Variants in RPS6KA5 observed in about 807,000 individuals in gnomAD.
The protein encoded by RPS6KA5 is ribosomal protein S6 kinase A5.
In RPS6KA5, 27 loss-of-function variants were observed where a neutral mutation model predicts 85.5. That is an observed-to-expected ratio of 0.32 (90% CI 0.23 to 0.44). The LOEUF is 0.44. Among genes scored for constraint, RPS6KA5 ranks in the 20% least tolerant of loss-of-function variants. The pLI is 1.00. For synonymous variants in RPS6KA5, 334 were observed against 348.2 expected, an observed-to-expected ratio of 0.96 and a Z score of 0.46; for missense variants, 811 against 980.9, an observed-to-expected ratio of 0.83 and a Z score of 2.31.
intron 8 of RPS6KA5, among the ~76,000 whole-genome samples, chr14:90,904,906 C>T (rs574026162): frequency 6.6e-6 from 1 of 152,134 alleles, no homozygotes; most frequent in Non-Finnish European, 1.5e-5. Flanking sequence ...AGAAAAAGAT[C>T]CTAGGAAAAT....
At chr14:90,922,331 CA>C (rs56674655) in intron 6 of RPS6KA5, among the ~76,000 whole-genome samples, 5,019 of 152,230 alleles carry the variant, frequency 0.033, 280 homozygotes, top group African/African-American at 0.12. Flanking sequence ...AAATACTGTC[CA>C]AAACCATTCA....
intron 13 of RPS6KA5, among the ~76,000 whole-genome samples, chr14:90,893,476 G>T (rs140488903): frequency 5.5e-4 from 84 of 152,154 alleles, no homozygotes; most frequent in Admixed American, 1.9e-3. Flanking sequence ...AAGTAGAGAA[G>T]AAAAGAATTC....
intron 7 of RPS6KA5, among the ~76,000 whole-genome samples, chr14:90,918,504 A>G (rs2036238403): frequency 6.6e-6 from 1 of 152,202 alleles, no homozygotes; most frequent in South Asian, 2.1e-4. Context: ...AGTTTTGAAG[A>G]GCAGAAATAC....
chr14:90,930,934 C>A (rs2036939787), intron 5 of RPS6KA5, among the ~76,000 whole-genome samples: 1 of 152,138 alleles, frequency 6.6e-6, no homozygotes, highest in Admixed American at 6.5e-5. Flanking sequence ...TTTAGCACTG[C>A]TGGTGAGAAT....
chr14:90,971,911 A>G (rs2039339115), intron 3 of RPS6KA5, among the ~76,000 whole-genome samples: 1 of 152,246 alleles, frequency 6.6e-6, no homozygotes, highest in Non-Finnish European at 1.5e-5. Flanking sequence ...AGACATGAGC[A>G]ATGTGGGAAG....
At position 90,947,469 on chromosome 14, in the gene RPS6KA5, C is replaced by G. The variant is rs758967947; in HGVS notation, c.476G>C (p.Gly159Ala). 6.2e-7 allele frequency: 1 copy of G among 1,612,152 alleles called. No homozygotes were observed. Among genetic ancestry groups the G allele is most frequent in the South Asian group, 1.1e-5 (1 of 91,016 alleles). The change falls in exon 4 of 17, where the codon GGA (glycine) becomes GCA (alanine). Residue 159 changes from glycine (G) to alanine (A), a missense_variant. Physicochemically the swap from Gly to Ala is moderately conservative, Grantham distance 60. Around this residue, in one of 3 missense-constraint regions of RPS6KA5, gnomAD observed 650 missense variants for 793.4 expected, o/e 0.82. Transcript: ENST00000614987. ...ATGTTCGAGGGCAAGCACAATCTCT[C>G]CAACATAAATCTGCACCTCATGCTC... ...FTEHEVQIYV[G>A]EIVLALEHLH...
chr14:90,997,861 A>C (rs1172329826), intron 2 of RPS6KA5, among the ~76,000 whole-genome samples: 1 of 151,942 alleles, frequency 6.6e-6, no homozygotes, highest in East Asian at 1.9e-4. Flanking sequence ...AAATACAAAA[A>C]AATTAGCCGA....
intron 1 of RPS6KA5, among the ~76,000 whole-genome samples, chr14:91,027,601 T>C (rs1355813194): frequency 1.3e-5 from 2 of 152,226 alleles, no homozygotes; most frequent in African/African-American, 2.4e-5. Flanking sequence ...TACAGTAACA[T>C]ATTAGCCCAA....
rs1413895087 is a variant in RPS6KA5 at position 90,864,070 on chromosome 14, A to G, written c.*8004T>C. 6.6e-6 allele frequency: 1 copy of G among 152,242 alleles called. No individual in the cohort carries two copies. The highest frequency in any genetic ancestry group is 1.9e-4 in the East Asian group (1 of 5,206). The allele number at this position is 152,242 out of a possible 1,614,324, so 9.4% of individuals were successfully genotyped here. A position where few individuals can be genotyped will look rare whatever the true frequency, so the allele number is the denominator to read the frequency against. ...TGGAAATACATAAACTTTGGCTACT[A>G]TTTCACATCATATACAAATATCAGC... On this transcript the variant is annotated 3_prime_UTR_variant, in exon 17 of 17. Coordinates refer to ENST00000614987, the MANE Select transcript of RPS6KA5 (RefSeq NM_004755.4).
At position 91,060,474 on chromosome 14, in the gene RPS6KA5, G is replaced by T. The variant is rs1263787824; in HGVS notation, c.-40C>A. The T allele has an allele frequency of 1.3e-5, 17 of 1,354,278 alleles. No homozygotes were observed. The East Asian group carries it at 5.0e-4, about 40-fold the overall frequency. The allele number at this position is 1,354,278 out of a possible 1,614,324, so 83.9% of individuals were successfully genotyped here. A position where few individuals can be genotyped will look rare whatever the true frequency, so the allele number is the denominator to read the frequency against. ...CCGATCCCGCGGGTCGCTACGAGGG[G>T]AACCCAGGAGACAGCGGACGCCCGT... is the stretch of plus-strand genomic sequence containing the variant. On this transcript the variant is annotated 5_prime_UTR_variant, in exon 1 of 17. Coordinates refer to ENST00000614987, the MANE Select transcript of RPS6KA5 (RefSeq NM_004755.4).
chr14:91,036,234 C>T (rs1009811915), intron 1 of RPS6KA5, among the ~76,000 whole-genome samples: 11 of 152,164 alleles, frequency 7.2e-5, no homozygotes, highest in African/African-American at 2.4e-4. Context: ...AAGCTCCAGA[C>T]CACTGAGGAC....
intron 1 of RPS6KA5, among the ~76,000 whole-genome samples, chr14:91,049,651 C>CA (rs1178180377): frequency 2.0e-5 from 3 of 151,866 alleles, no homozygotes; most frequent in Non-Finnish European, 4.4e-5. Flanking sequence ...ACAAGTACTA[C>CA]AAAAAAAGTA....
At chr14:90,962,243 A>T (rs1018950120) in intron 3 of RPS6KA5, among the ~76,000 whole-genome samples, 1 of 152,118 alleles carries the variant, frequency 6.6e-6, no homozygotes, top group African/African-American at 2.4e-5. Context: ...AGTGGCTCCT[A>T]AATGAAGCCC....
rs943330463 is a variant in RPS6KA5, at chr14:90,858,675, C to T, written c.*13399G>A. The T allele has an allele frequency of 3.9e-5, 6 of 152,118 alleles. No individual in the cohort carries two copies. Among genetic ancestry groups the T allele is most frequent in the African/African-American group, 1.2e-4 (5 of 41,416 alleles). The allele number at this position is 152,118 out of a possible 1,614,324, so 9.4% of individuals were successfully genotyped here. A position where few individuals can be genotyped will look rare whatever the true frequency, so the allele number is the denominator to read the frequency against. On this transcript the variant is annotated 3_prime_UTR_variant, in exon 17 of 17. Coordinates refer to ENST00000614987, the MANE Select transcript of RPS6KA5 (RefSeq NM_004755.4). ...ATAGGCAACAGGGAGCAAACCAATG[C>T]AGGGAGAACTTGACGAGCTGCAATA...
chr14:90,925,873 T>C (rs1464488763), intron 5 of RPS6KA5, among the ~76,000 whole-genome samples: 1 of 134,260 alleles, frequency 7.4e-6, no homozygotes, highest in African/African-American at 2.9e-5. Flanking sequence ...GAGCAGGAGA[T>C]CGAGGCTGCA....
chr14:91,004,125 G>A lies in RPS6KA5; in HGVS notation c.104-2966C>T, dbSNP rs113532835. Among the ~76,000 whole-genome samples the A allele has an allele frequency of 4.3e-3, 653 of 152,054 alleles. 4 individuals are homozygous for A. Among genetic ancestry groups the A allele is most frequent in the African/African-American group, 0.014 (600 of 41,464 alleles). On this transcript the variant is annotated intron_variant, in intron 1 of 16. Transcript: ENST00000614987. ...TTTTGAGACGGAGTTTCGCTCTGTC[G>A]CCCAGGCTGGAGTGCAGTGGCGCGA... is the stretch of plus-strand genomic sequence containing the variant.
At chr14:90,937,889 C>A (rs746209782) in intron 5 of RPS6KA5, among the ~76,000 whole-genome samples, 165 of 152,272 alleles carry the variant, frequency 1.1e-3, no homozygotes, top group Non-Finnish European at 1.8e-3. Flanking sequence ...GGGGACACAG[C>A]CAAACCATAT....
At position 90,978,438 on chromosome 14, in the gene RPS6KA5, T is replaced by C. The variant is rs1460273306; in HGVS notation, c.262A>G (p.Ile88Val). 5 of 1,613,982 alleles carry C rather than the reference T, an allele frequency of 3.1e-6. No homozygotes were observed. The highest frequency in any genetic ancestry group is 1.7e-5 in the Admixed American group (1 of 60,006). ...YAMKVLKKAT[I>V]VQKAKTTEHT... ...TCTGTGGTTTTGGCCTTTTGAACGA[T>C]TGTTGCCTTTTTCAAAACTTTCATG... Residue 88 changes from isoleucine to valine, a missense_variant, in exon 3 of 17, where the codon ATC becomes GTC. Around this residue, in one of 3 missense-constraint regions of RPS6KA5, gnomAD observed 48 missense variants for 87.6 expected, o/e 0.55. Transcript: ENST00000614987.
intron 2 of RPS6KA5, among the ~76,000 whole-genome samples, chr14:90,993,207 C>T (rs527263956): frequency 3.3e-5 from 5 of 151,994 alleles, no homozygotes; most frequent in Non-Finnish European, 7.4e-5. Flanking sequence ...TTTGGGAGGC[C>T]GAGGTGGGCA....
Sources: allele counts gnomAD v4.1 joint callset (sites outside exome capture counted in the v4.1 genomes callset), GRCh38; gene constraint gnomAD v4.1.1; regional missense constraint gnomAD v4.1.1; transcripts MANE v1.5; gene names NCBI Gene and HGNC (gene_info 2026-07-23, HGNC 2026-07-21).